Variants in RYR3 observed in about 807,000 individuals in gnomAD.
RYR3 encodes the protein brain ryanodine receptor-calcium release channel.
RYR3 carries 207 observed loss-of-function variants against 584.3 expected under a neutral mutation model. The ratio of observed to expected loss-of-function variants is 0.35; its 90% CI spans 0.32 to 0.40. The LOEUF (loss-of-function observed/expected upper bound fraction) is 0.40, where lower values mean the gene tolerates loss of function less well. Among genes scored for constraint, RYR3 ranks in the 10% least tolerant of loss-of-function variants. The pLI, the probability that RYR3 is intolerant of heterozygous loss-of-function variation, is 1.00. For missense variants in RYR3, 5,616 were observed against 6,089.2 expected (o/e 0.92, Z 2.59); for synonymous variants, 2,416 against 2,248.5 (o/e 1.07, Z -2.11).
At chr15:33,592,450 A>C (rs1056195019) in intron 16 of RYR3, among the ~76,000 whole-genome samples, 3 of 152,130 alleles carry the variant, frequency 2.0e-5, no homozygotes, top group Non-Finnish European at 4.4e-5. Flanking sequence ...TGAAATAAGG[A>C]GATCTTTGGG....
At chr15:33,431,155 C>A (rs2045107507) in intron 1 of RYR3, among the ~76,000 whole-genome samples, 1 of 152,178 alleles carries the variant, frequency 6.6e-6, no homozygotes, top group South Asian at 2.1e-4. Context: ...CTATCCAATC[C>A]AGCACTTCTT....
intron 16 of RYR3, among the ~76,000 whole-genome samples, chr15:33,591,633 A>T (rs1337366164): frequency 6.6e-6 from 1 of 152,206 alleles, no homozygotes; most frequent in East Asian, 1.9e-4. Context: ...TAAATAATGT[A>T]TGCATTTTCT....
rs978771459 is a variant in RYR3 at position 33,812,900 on chromosome 15, A to G, written c.10295A>G (p.Tyr3432Cys). The G allele has an allele frequency of 1.9e-6, 3 of 1,613,848 alleles. No homozygotes were observed. The highest frequency in any genetic ancestry group is 2.7e-5 in the African/African-American group (2 of 74,942). The change falls in exon 73 of 104, where the codon TAC (tyrosine) becomes TGC (cysteine). Residue 3432 changes from tyrosine to cysteine, a missense_variant. Coordinates refer to ENST00000634891, the MANE Select transcript of RYR3 (RefSeq NM_001036.6). ...GCTGTAAAATGGCAACTGAACCTCTACAAGGATGTTCTGAAGAGTGAAGAA... is the reference window on the plus strand; with the variant it reads ...GCTGTAAAATGGCAACTGAACCTCTGCAAGGATGTTCTGAAGAGTGAAGAA... ...DPAVKWQLNLYKDVLKSEEPF... is the reference protein window; with the variant it reads ...DPAVKWQLNLCKDVLKSEEPF...
At chr15:33,681,373 G>C (rs2064597226) in intron 38 of RYR3, among the ~76,000 whole-genome samples, 1 of 152,182 alleles carries the variant, frequency 6.6e-6, no homozygotes, top group Non-Finnish European at 1.5e-5. Context: ...TCAACAGTAG[G>C]CTAGTAGGGC....
At chr15:33,722,105 A>C (rs988306151) in intron 43 of RYR3, among the ~76,000 whole-genome samples, 3 of 152,216 alleles carry the variant, frequency 2.0e-5, no homozygotes, top group Non-Finnish European at 4.4e-5. Context: ...CTGTGAGAGT[A>C]TTAGGGTAAC....
rs555777104 is a variant in RYR3, at chr15:33,778,299, T to C, written c.9138-1912T>C. ...GCCTTTCTTGTCCTTTCACAATTTA[T>C]CTCCTTATTTCTTCCTCCAATTCAC... On this transcript the variant is annotated intron_variant, in intron 64 of 103. Coordinates refer to ENST00000634891, the MANE Select transcript of RYR3 (RefSeq NM_001036.6). 7.9e-5 allele frequency among the ~76,000 whole-genome samples: 12 copies of C among 152,332 alleles called. No homozygotes were observed. In the South Asian group the frequency reaches 2.5e-3, roughly 32 times the overall value.
In RYR3 at chr15:33,763,903, A is replaced by C. The variant is rs1250928542; in HGVS notation, c.8706-4755A>C. On this transcript the variant is annotated intron_variant, in intron 60 of 103. Transcript: ENST00000634891. ...GCGAGACTTCATCTCAAAAAAAAAAAAAAAAAAAAAAAATCAGGAAACAAC... is the reference window on the plus strand; with the variant it reads ...GCGAGACTTCATCTCAAAAAAAAAACAAAAAAAAAAAAATCAGGAAACAAC... Among the ~76,000 whole-genome samples the C allele has an allele frequency of 5.4e-4, 72 of 132,910 alleles. 3 individuals carry two copies. The highest frequency in any genetic ancestry group is 2.1e-3 in the African/African-American group (68 of 32,714). 87.2% of individuals were successfully genotyped at this position (132,910 alleles called of 152,430 possible).
chr15:33,766,046 T>C (rs924469119), intron 60 of RYR3, among the ~76,000 whole-genome samples: 9 of 151,956 alleles, frequency 5.9e-5, no homozygotes, highest in Admixed American at 5.2e-4. Context: ...TTGGGGAGGC[T>C]GAGGTGGGTG....
chr15:33,790,907 A>G (rs1468879693), intron 67 of RYR3, among the ~76,000 whole-genome samples: 2 of 152,226 alleles, frequency 1.3e-5, no homozygotes, highest in Non-Finnish European at 2.9e-5. Context: ...AAGAGTTTCC[A>G]GAAGGAAAGA....
intron 58 of RYR3, 26 bp downstream of exon 58, chr15:33,755,206 A>G (rs1326495847): frequency 1.6e-6 from 2 of 1,238,992 alleles, no homozygotes; most frequent in Non-Finnish European, 2.4e-6. Context: ...AAATAACCCA[A>G]AAGAATTCAA....
chr15:33,498,477 T>C (rs2051640114), intron 2 of RYR3, among the ~76,000 whole-genome samples: 1 of 152,192 alleles, frequency 6.6e-6, no homozygotes, highest in Non-Finnish European at 1.5e-5. Flanking sequence ...GTGTCTTCTT[T>C]TGAGAAATGT....
At chr15:33,745,899 G>A (rs998541060) in intron 52 of RYR3, among the ~76,000 whole-genome samples, 169 bp from the exon 53 acceptor site, 2 of 152,218 alleles carry the variant, frequency 1.3e-5, no homozygotes, top group South Asian at 2.1e-4. Context: ...TTCAGGAGGC[G>A]GAGAGCCTGA....
At chr15:33,706,553 A>G (rs768420399) in intron 42 of RYR3, among the ~76,000 whole-genome samples, 1 of 152,194 alleles carries the variant, frequency 6.6e-6, no homozygotes, top group Non-Finnish European at 1.5e-5. Context: ...ACGTTGTAGC[A>G]TGTATCAAGA....
intron 1 of RYR3, among the ~76,000 whole-genome samples, chr15:33,372,304 G>A (rs2040390632): frequency 6.6e-6 from 1 of 150,694 alleles, no homozygotes; most frequent in African/African-American, 2.5e-5. Context: ...CAATTCTCCT[G>A]CCTCAGCCTT....
chr15:33,674,199 A>G (rs2064018616), intron 38 of RYR3, among the ~76,000 whole-genome samples: 1 of 152,256 alleles, frequency 6.6e-6, no homozygotes, highest in African/African-American at 2.4e-5. Flanking sequence ...GAGAAGAAGA[A>G]AACATCTATA....
intron 64 of RYR3, among the ~76,000 whole-genome samples, chr15:33,778,496 G>T (rs901067709): frequency 1.3e-5 from 2 of 152,206 alleles, no homozygotes; most frequent in Admixed American, 1.3e-4. Flanking sequence ...CAGGTCTGAA[G>T]TTAAAATGAT....
intron 19 of RYR3, among the ~76,000 whole-genome samples, chr15:33,616,823 C>A (rs1330375243): frequency 2.0e-5 from 3 of 152,204 alleles, no homozygotes; most frequent in African/African-American, 7.2e-5. Flanking sequence ...AGAGGTGGAA[C>A]CACAGGGTCT....
intron 53 of RYR3, among the ~76,000 whole-genome samples, chr15:33,747,547 C>A (rs746218684): frequency 1.3e-5 from 2 of 151,656 alleles, no homozygotes; most frequent in Non-Finnish European, 2.9e-5. Flanking sequence ...GCCTTAGCCT[C>A]CCGAGTAGCT....
intron 12 of RYR3, among the ~76,000 whole-genome samples, chr15:33,567,939 G>A (rs1258716258): frequency 6.6e-6 from 1 of 152,128 alleles, no homozygotes; most frequent in Admixed American, 6.6e-5. Flanking sequence ...CTGATGCCCA[G>A]GCTACATCTT....
Sources: allele counts gnomAD v4.1 joint callset (sites outside exome capture counted in the v4.1 genomes callset), GRCh38; gene constraint gnomAD v4.1.1; transcripts MANE v1.5; gene names NCBI Gene and HGNC (gene_info 2026-07-23, HGNC 2026-07-21).